The following CNTRL variants were observed in gnomAD, a reference collection of about 807,000 sequenced individuals.
The protein encoded by CNTRL is 110 kDa centrosomal protein.
Under a neutral mutation model 303.7 loss-of-function variants are expected in CNTRL, and 233 were observed. The ratio of observed to expected loss-of-function variants is 0.77; its 90% CI spans 0.69 to 0.86. The LOEUF (loss-of-function observed/expected upper bound fraction) is 0.86. Among genes scored for constraint, CNTRL ranks in the 40% least tolerant of loss-of-function variants. The pLI, the probability that CNTRL is intolerant of heterozygous loss-of-function variation, is 0.00. For synonymous variants in CNTRL, 900 were observed against 922.2 expected (o/e 0.98, Z 0.44); for missense variants, 2,524 against 2,650.6 (o/e 0.95, Z 1.05).
intron 36 of CNTRL, among the ~76,000 whole-genome samples, chr9:121,166,435 C>T (rs1030964688): frequency 6.6e-6 from 1 of 152,132 alleles, no homozygotes; most frequent in Admixed American, 6.5e-5. Context: ...TAGACCAGAG[C>T]CCAGCAGCAG....
chr9:121,167,041 A>G (rs1424931583), intron 36 of CNTRL, among the ~76,000 whole-genome samples: 2 of 147,238 alleles, frequency 1.4e-5, no homozygotes, highest in East Asian at 2.0e-4. Context: ...AAAAGTTAAC[A>G]TTAGACACAG....
chr9:121,132,914 A>G (rs1164260031), intron 14 of CNTRL, among the ~76,000 whole-genome samples: 1 of 151,976 alleles, frequency 6.6e-6, no homozygotes, highest in Non-Finnish European at 1.5e-5. Flanking sequence ...GGTCTGTTGG[A>G]GTTTGCTAGA....
chr9:121,109,511 C>G (rs527774965), intron 8 of CNTRL, among the ~76,000 whole-genome samples: 11 of 152,058 alleles, frequency 7.2e-5, no homozygotes, highest in African/African-American at 2.6e-4. Context: ...TTAGCCTATT[C>G]CTATTGATGG....
intron 13 of CNTRL, 136 bp from the exon 14 acceptor site, chr9:121,125,580 A>C: frequency 1.4e-6 from 1 of 739,388 alleles, no homozygotes; most frequent in South Asian, 1.8e-5. Context: ...AAAATTTAAC[A>C]TTATGTTTTG....
chr9:121,094,864 A>G (rs2048823117), intron 4 of CNTRL, 24 bp from the exon 5 acceptor site: 1 of 1,507,830 alleles, frequency 6.6e-7, no homozygotes, highest in Non-Finnish European at 9.1e-7. Flanking sequence ...TGTGTAAAGT[A>G]TTCATTCATT....
In CNTRL at chr9:121,165,065, A is replaced by C. The variant is rs368227558; in HGVS notation, c.5546A>C (p.His1849Pro). ...DQLNRDKLSL[H>P]NDISAMQQQL... ...CTAAACAGAGACAAGTTGTCACTGC[A>C]TAACGACATTTCAGCAATGCAACAG... The change falls in exon 35 of 44, where the codon CAT becomes CCT. Residue 1849 changes from histidine (H) to proline (P), a missense_variant. Physicochemically the swap from His to Pro is moderately conservative, Grantham distance 77 (BLOSUM62 -2). Transcript: ENST00000373855. 6 of 1,599,994 alleles carry C rather than the reference A, an allele frequency of 3.8e-6. No individual in the cohort carries two copies. The highest frequency in any genetic ancestry group is 5.1e-6 in the Non-Finnish European group (6 of 1,174,760).
chr9:121,163,600 A>T (rs893796578), intron 34 of CNTRL, among the ~76,000 whole-genome samples: 2 of 152,024 alleles, frequency 1.3e-5, no homozygotes, highest in Non-Finnish European at 2.9e-5. Flanking sequence ...AATATTTGCA[A>T]CCCATGTATC....
intron 32 of CNTRL, chr9:121,161,217 T>C: frequency 4.8e-6 from 2 of 418,740 alleles, no homozygotes; most frequent in Non-Finnish European, 4.4e-6. Context: ...TAAAAGTGAT[T>C]TGGGGTGGTG....
intron 1 of CNTRL, among the ~76,000 whole-genome samples, chr9:121,078,062 T>A (rs1350494073): frequency 2.6e-5 from 4 of 152,178 alleles, no homozygotes; most frequent in African/African-American, 7.2e-5. Flanking sequence ...TTTTCTCAAA[T>A]TTTAGAGTAT....
At position 121,112,442 on chromosome 9, in the gene CNTRL, T is replaced by A. The variant is rs1420839700; in HGVS notation, c.1003-17T>A. On this transcript the variant is annotated splice_polypyrimidine_tract_variant and intron_variant, in intron 8 of 43. Coordinates refer to ENST00000373855, the MANE Select transcript of CNTRL (RefSeq NM_007018.6). ...TACTGATCCTGTATGTTGTCTCATATCAAATTGGGCCAATAGCTAAAACAG... is the reference window on the plus strand; with the variant it reads ...TACTGATCCTGTATGTTGTCTCATAACAAATTGGGCCAATAGCTAAAACAG... 2 of 1,610,690 alleles carry A rather than the reference T, an allele frequency of 1.2e-6. No homozygotes were observed. The highest frequency in any genetic ancestry group is 1.7e-6 in the Non-Finnish European group (2 of 1,177,648).
chr9:121,176,619 C>T (rs1387107253), intron 43 of CNTRL, among the ~76,000 whole-genome samples: 1 of 152,132 alleles, frequency 6.6e-6, no homozygotes, highest in African/African-American at 2.4e-5. Context: ...CTCAAGGTGG[C>T]AGCCAGAGTT....
At chr9:121,171,769 T>G (rs1262924994) in intron 40 of CNTRL, among the ~76,000 whole-genome samples, 1 of 152,208 alleles carries the variant, frequency 6.6e-6, no homozygotes, top group Non-Finnish European at 1.5e-5. Context: ...TCTTAAAATG[T>G]TAGTTTTTCA....
rs1400488525 is a variant in CNTRL, at chr9:121,173,527, T to C, written c.6684+18T>C. The stretch of plus-strand genomic sequence containing the variant: ...ACATAATGGTAAGGGTTTATCCTGC[T>C]ATTCTCTGGGTTCGTAGGATTGACC... On this transcript the variant is annotated intron_variant, in intron 41 of 43. Transcript: ENST00000373855. 6.2e-7 allele frequency: 1 copy of C among 1,612,000 alleles called. No individual in the cohort carries two copies. Among genetic ancestry groups the C allele is most frequent in the African/African-American group, 1.3e-5 (1 of 74,850 alleles).
At chr9:121,105,304 C>T (rs1192252171) in intron 7 of CNTRL, among the ~76,000 whole-genome samples, 6 of 152,146 alleles carry the variant, frequency 3.9e-5, no homozygotes, top group Non-Finnish European at 8.8e-5. Flanking sequence ...GTAGAAGCAG[C>T]AGCATTTTCT....
intron 43 of CNTRL, among the ~76,000 whole-genome samples, chr9:121,175,879 A>AG (rs1392918476): frequency 6.6e-6 from 1 of 152,186 alleles, no homozygotes; most frequent in East Asian, 1.9e-4. Flanking sequence ...TATGAGTCCT[A>AG]GTTTAGTATG....
At chr9:121,094,127 CA>C (rs928872924) in intron 4 of CNTRL, among the ~76,000 whole-genome samples, 1 of 146,104 alleles carries the variant, frequency 6.8e-6, no homozygotes, top group African/African-American at 2.5e-5. Flanking sequence ...CCCACCCCCG[CA>C]AAAAAAAAGA....
intron 16 of CNTRL, among the ~76,000 whole-genome samples, chr9:121,139,603 ATTACTAT>A (rs2051392268): frequency 6.6e-6 from 1 of 152,202 alleles, no homozygotes; most frequent in Admixed American, 6.5e-5. Context: ...CATGTTTTCC[ATTACTAT>A]GTGAGGTGTG....
In CNTRL at chr9:121,096,562, C is replaced by T. The variant is rs376193404; in HGVS notation, c.620C>T (p.Ser207Leu). 26 of 1,433,084 alleles carry T rather than the reference C, an allele frequency of 1.8e-5. No individual in the cohort carries two copies. Among genetic ancestry groups the T allele is most frequent in the African/African-American group, 2.9e-5 (2 of 69,722 alleles). 88.8% of individuals were successfully genotyped at this position (1,433,084 alleles called of 1,614,324 possible). A position where few individuals can be genotyped will look rare whatever the true frequency, so the allele number is the denominator to read the frequency against. Residue 207 changes from serine (S) to leucine (L), a missense_variant and splice_region_variant, in exon 6 of 44, where the codon TCG (serine) becomes TTG (leucine). Ser to Leu is a moderately radical substitution (Grantham distance 145). Coordinates refer to ENST00000373855, the MANE Select transcript of CNTRL (RefSeq NM_007018.6). ...VLNLKGNKISSLQDISKLKPL... is the reference protein window; with the variant it reads ...VLNLKGNKISLLQDISKLKPL... ...AATTTGAAAGGCAACAAGATATCAT[C>T]GGTAAGTTATTCAAAATAGCAGGAA...
intron 25 of CNTRL, chr9:121,152,241 T>C: frequency 2.2e-6 from 1 of 444,482 alleles, no homozygotes; most frequent in Non-Finnish European, 4.1e-6. Context: ...AGGCAGAGGT[T>C]ATCCACAAGA....
Sources: allele counts gnomAD v4.1 joint callset (sites outside exome capture counted in the v4.1 genomes callset), GRCh38; gene constraint gnomAD v4.1.1; transcripts MANE v1.5; gene names NCBI Gene and HGNC (gene_info 2026-07-23, HGNC 2026-07-21).